NFATC2: variants seen among roughly 807,000 people sequenced by gnomAD.
NFATC2 encodes nuclear factor of activated T-cells, cytoplasmic 2.
Under a neutral mutation model 87.3 loss-of-function variants are expected in NFATC2, and 22 were observed. The ratio of observed to expected loss-of-function variants is 0.25; its 90% CI spans 0.18 to 0.36. The LOEUF is 0.36. NFATC2 is among the 10% of genes least tolerant of loss of function. NFATC2 has a pLI of 1.00. For synonymous variants in NFATC2, 565 were observed against 542.2 expected (o/e 1.04, Z -0.58); for missense variants, 1,149 against 1,259.1 (o/e 0.91, Z 1.32).
chr20:51,462,172 T>C (rs1225736745), intron 5 of NFATC2, among the ~76,000 whole-genome samples: 1 of 149,996 alleles, frequency 6.7e-6, no homozygotes, highest in East Asian at 2.0e-4. Flanking sequence ...GGGTGACTTA[T>C]GCCTGTAATC....
At chr20:51,436,241 A>T (rs1983546629) in intron 6 of NFATC2, among the ~76,000 whole-genome samples, 1 of 152,206 alleles carries the variant, frequency 6.6e-6, no homozygotes, top group Non-Finnish European at 1.5e-5. Flanking sequence ...CAAATCTAAA[A>T]GTTGAAGTTA....
chr20:51,461,793 G>A (rs1311760906), intron 5 of NFATC2, among the ~76,000 whole-genome samples: 1 of 152,190 alleles, frequency 6.6e-6, no homozygotes, highest in Non-Finnish European at 1.5e-5. Flanking sequence ...AGAGAAATTC[G>A]CTCCTACAGA....
intron 1 of NFATC2, among the ~76,000 whole-genome samples, chr20:51,556,726 G>A (rs1425473049): frequency 1.3e-5 from 2 of 152,078 alleles, no homozygotes; most frequent in African/African-American, 2.4e-5. Context: ...GAGGAGGAGC[G>A]ATAGCACAGG....
intron 3 of NFATC2, among the ~76,000 whole-genome samples, chr20:51,490,363 G>A (rs1333657776): frequency 2.0e-5 from 3 of 152,296 alleles, no homozygotes; most frequent in Admixed American, 6.5e-5. Flanking sequence ...CTACCTCCAA[G>A]ACCCATTCTC....
chr20:51,544,004 T>TTTTTTTTTTG, upstream of NFATC2, among the ~76,000 whole-genome samples: 1 of 145,326 alleles, frequency 6.9e-6, no homozygotes, highest in African/African-American at 2.6e-5. Context: ...TTTTTTTTTT[T>TTTTTTTTTTG]GGAGACGGAG....
At chr20:51,494,674 G>A (rs2146599334) in intron 3 of NFATC2, among the ~76,000 whole-genome samples, 1 of 152,326 alleles carries the variant, frequency 6.6e-6, no homozygotes, top group South Asian at 2.1e-4. Context: ...CAGCATGGGA[G>A]AGGTTCTCAC....
intron 3 of NFATC2, among the ~76,000 whole-genome samples, chr20:51,477,559 ATATATATATATATATAT>A (rs1988838893): frequency 8.2e-6 from 1 of 122,436 alleles, no homozygotes; most frequent in Non-Finnish European, 1.8e-5. Flanking sequence ...ATATATATAT[ATATATATATATATATAT>A]ATATAAAATA....
Position 51,514,701 on chromosome 20 carries a change from T to C in NFATC2, c.1332+2083A>G, listed in dbSNP as rs138784324. Among the ~76,000 whole-genome samples the C allele has an allele frequency of 2.3e-3, 352 of 152,196 alleles. 5 individuals are homozygous for C. Among genetic ancestry groups the C allele is most frequent in the Admixed American group, 0.019 (284 of 15,280 alleles). On this transcript the variant is annotated intron_variant, in intron 3 of 10. Coordinates refer to ENST00000371564, the MANE Select transcript of NFATC2 (RefSeq NM_012340.5). ...CAGCCAGACCAATATAGTGAAACCC[T>C]GTCTCTACTAAAAATACAAAAATTA...
chr20:51,479,873 T>C (rs1989084796), intron 3 of NFATC2, among the ~76,000 whole-genome samples: 1 of 152,172 alleles, frequency 6.6e-6, no homozygotes, highest in Non-Finnish European at 1.5e-5. Flanking sequence ...CCCGCTTCCC[T>C]GCCACCCTCT....
intron 5 of NFATC2, among the ~76,000 whole-genome samples, chr20:51,464,891 C>T (rs1274621420): frequency 6.6e-6 from 1 of 152,240 alleles, no homozygotes; most frequent in Non-Finnish European, 1.5e-5. Context: ...CTCACTTCTC[C>T]ATGCTACAGT....
Position 51,432,633 on chromosome 20 carries a change from G to T in NFATC2, c.2156C>A (p.Ser719Tyr). 1 of 1,539,356 alleles carries T rather than the reference G, an allele frequency of 6.5e-7. No individual in the cohort carries two copies. Residue 719 changes from serine (S) to tyrosine (Y), a missense_variant, in exon 9 of 11, where the codon TCC (serine) becomes TAC (tyrosine). Ser to Tyr is a moderately radical substitution (Grantham distance 144, BLOSUM62 -2). Transcript: ENST00000371564. This position sits in a 1 kb window ranked among gnomAD's most constrained non-coding sequence, Gnocchi z 4.6. ...PQHPMVAESP[S>Y]CLVATMAPCQ... ...GGGAGCCATGGTGGCCACGAGGCAGGAGGGGGACTCGGCCACCATCGGGTG... is the reference window on the plus strand; with the variant it reads ...GGGAGCCATGGTGGCCACGAGGCAGTAGGGGGACTCGGCCACCATCGGGTG...
At chr20:51,433,739 G>A (rs934760547) in intron 8 of NFATC2, among the ~76,000 whole-genome samples, 17 of 148,120 alleles carry the variant, frequency 1.1e-4, no homozygotes, top group African/African-American at 4.1e-4. Flanking sequence ...GTGTGCGCAT[G>A]CGTGTGTGTT....
chr20:51,445,878 G>A (rs1408530811), intron 6 of NFATC2, among the ~76,000 whole-genome samples: 2 of 152,198 alleles, frequency 1.3e-5, no homozygotes, highest in Non-Finnish European at 2.9e-5. Context: ...TGGATGCTCA[G>A]TCAAGGTCAA....
intron 5 of NFATC2, among the ~76,000 whole-genome samples, chr20:51,471,249 G>C (rs970923736): frequency 6.6e-6 from 1 of 152,124 alleles, no homozygotes; most frequent in African/African-American, 2.4e-5. Flanking sequence ...TCCCCACCTT[G>C]CTACAAACCC....
intron 5 of NFATC2, among the ~76,000 whole-genome samples, chr20:51,459,473 G>C (rs1201272036): frequency 6.6e-6 from 1 of 152,138 alleles, no homozygotes; most frequent in Non-Finnish European, 1.5e-5. Flanking sequence ...GGCCAGATGG[G>C]GTTTTCTCAG....
intron 6 of NFATC2, among the ~76,000 whole-genome samples, chr20:51,444,376 G>A (rs536348709): frequency 7.4e-4 from 113 of 151,690 alleles, no homozygotes; most frequent in African/African-American, 2.5e-3. Flanking sequence ...TAACCAGCCC[G>A]TTTGCTGATG....
chr20:51,410,964 A>G (rs999092525), intron 9 of NFATC2, among the ~76,000 whole-genome samples: 1 of 152,124 alleles, frequency 6.6e-6, no homozygotes, highest in African/African-American at 2.4e-5. Context: ...ACCTGGCTGG[A>G]AGCAGGTGTT....
intron 1 of NFATC2, among the ~76,000 whole-genome samples, chr20:51,557,129 A>G (rs1447448959): frequency 6.6e-6 from 1 of 151,904 alleles, no homozygotes; most frequent in Non-Finnish European, 1.5e-5. Flanking sequence ...TGCCTTGACC[A>G]CTCCCCGTGT....
chr20:51,423,914 A>G (rs1981353351), intron 9 of NFATC2, among the ~76,000 whole-genome samples: 1 of 152,204 alleles, frequency 6.6e-6, no homozygotes, highest in Non-Finnish European at 1.5e-5. Context: ...TTTCAAAAAG[A>G]TCACTGAGCG....
Sources: allele counts gnomAD v4.1 joint callset (sites outside exome capture counted in the v4.1 genomes callset), GRCh38; gene constraint gnomAD v4.1.1; non-coding constraint Gnocchi (gnomAD v3.1); transcripts MANE v1.5; gene names NCBI Gene and HGNC (gene_info 2026-07-23, HGNC 2026-07-21).